Variants in IGF1R observed in about 807,000 individuals in gnomAD.
IGF1R encodes insulin like growth factor 1 receptor, also known as insulin-like growth factor 1 receptor.
IGF1R carries 44 observed loss-of-function variants against 144.6 expected under a neutral mutation model. The observed-to-expected ratio is 0.30, with a 90% CI of 0.24 to 0.39. The LOEUF (loss-of-function observed/expected upper bound fraction) is 0.39, where lower values mean the gene tolerates loss of function less well. Among genes scored for constraint, IGF1R ranks in the 10% least tolerant of loss-of-function variants. IGF1R has a pLI of 1.00. For synonymous variants in IGF1R, 795 were observed against 722.8 expected (o/e 1.10, Z -1.60); for missense variants, 1,355 against 1,833.7 (o/e 0.74, Z 4.77).
intron 1 of IGF1R, among the ~76,000 whole-genome samples, chr15:98,706,825 T>TA (rs1555434003): frequency 1.9e-5 from 2 of 106,104 alleles, no homozygotes; most frequent in Non-Finnish European, 4.4e-5. Context: ...TGATTTTTAC[T>TA]GGTTTTTTTT....
intron 1 of IGF1R, among the ~76,000 whole-genome samples, chr15:98,663,008 T>C (rs1596153227): frequency 2.0e-5 from 3 of 152,000 alleles, no homozygotes; most frequent in East Asian, 1.9e-4. Flanking sequence ...GGAGTCAGGA[T>C]TGGGGGACAG....
intron 1 of IGF1R, among the ~76,000 whole-genome samples, chr15:98,658,066 C>T (rs2052525461): frequency 6.6e-6 from 1 of 152,126 alleles, no homozygotes; most frequent in South Asian, 2.1e-4. Flanking sequence ...GTCCAGGGTC[C>T]TTAGAATCAA....
chr15:98,693,629 G>A (rs1470698933), intron 1 of IGF1R, among the ~76,000 whole-genome samples: 2 of 152,096 alleles, frequency 1.3e-5, no homozygotes, highest in Non-Finnish European at 2.9e-5. Context: ...TTTTTGAGAC[G>A]GAGTTTTGCT....
chr15:98,732,955 G>C (rs981918022), intron 2 of IGF1R, among the ~76,000 whole-genome samples: 1 of 152,176 alleles, frequency 6.6e-6, no homozygotes, highest in Non-Finnish European at 1.5e-5. Flanking sequence ...CCCAAGGGAA[G>C]AGGTTGGTTA....
chr15:98,811,137 C>T (rs1030823656), intron 2 of IGF1R, among the ~76,000 whole-genome samples: 9 of 151,786 alleles, frequency 5.9e-5, no homozygotes, highest in African/African-American at 2.2e-4. Context: ...CCCATCTCTA[C>T]TAAAAATACA....
At chr15:98,908,149 A>C (rs8039666) in intron 5 of IGF1R, among the ~76,000 whole-genome samples, 23,241 of 152,202 alleles carry the variant, frequency 0.15, 1,916 homozygotes, top group African/African-American at 0.2. Context: ...GCTCAGAATG[A>C]AAGATGAATG....
chr15:98,946,430 C>T (rs750883797), intron 19 of IGF1R, among the ~76,000 whole-genome samples: 4 of 152,098 alleles, frequency 2.6e-5, no homozygotes, highest in East Asian at 3.9e-4. Context: ...TCTTGTTAGC[C>T]GGAGTATACA....
chr15:98,895,014 C>T (rs1161305295), intron 3 of IGF1R, among the ~76,000 whole-genome samples: 1 of 130,196 alleles, frequency 7.7e-6, no homozygotes, highest in Non-Finnish European at 1.6e-5. Flanking sequence ...GAGTGAGACC[C>T]TGTCTCAAAA....
chr15:98,803,498 T>TTTTTTTTATTTATTTATTTA (rs139683177), intron 2 of IGF1R, among the ~76,000 whole-genome samples: 2 of 144,610 alleles, frequency 1.4e-5, no homozygotes, highest in Non-Finnish European at 3.0e-5. Context: ...GAATATTACA[T>TTTTTTTTATTTATTTATTTA]TTTATTTATT....
chr15:98,708,981 C>G (rs2053931512), intron 2 of IGF1R, among the ~76,000 whole-genome samples: 1 of 152,162 alleles, frequency 6.6e-6, no homozygotes, highest in Non-Finnish European at 1.5e-5. Flanking sequence ...TGATCAGTTC[C>G]TTAAGAACCA....
chr15:98,843,450 A>G (rs1248988773), intron 2 of IGF1R, among the ~76,000 whole-genome samples: 1 of 152,206 alleles, frequency 6.6e-6, no homozygotes, highest in Non-Finnish European at 1.5e-5. Context: ...TACTTCTCTT[A>G]TTGGTTTGTC....
chr15:98,867,650 C>T (rs898691486), intron 2 of IGF1R, among the ~76,000 whole-genome samples: 9 of 152,290 alleles, frequency 5.9e-5, no homozygotes, highest in Admixed American at 1.3e-4. Flanking sequence ...TTGTGTATGT[C>T]TCTTAGCCCT....
chr15:98,861,389 G>A (rs142020160), intron 2 of IGF1R, among the ~76,000 whole-genome samples: 59 of 152,156 alleles, frequency 3.9e-4, no homozygotes, highest in African/African-American at 1.3e-3. Context: ...ATGCTGACCC[G>A]CGTAGGGAGG....
intron 1 of IGF1R, among the ~76,000 whole-genome samples, chr15:98,669,762 G>C (rs2141193666): frequency 6.6e-6 from 1 of 152,326 alleles, no homozygotes. Context: ...TCAGCCCCGT[G>C]TTCTAGCTTC....
intron 2 of IGF1R, among the ~76,000 whole-genome samples, chr15:98,761,359 C>G (rs1185957345): frequency 1.3e-5 from 2 of 152,192 alleles, no homozygotes; most frequent in African/African-American, 2.4e-5. Flanking sequence ...TGCCTAGCCA[C>G]ACTGAGAAAG....
intron 2 of IGF1R, among the ~76,000 whole-genome samples, chr15:98,784,175 G>T (rs914848479): frequency 1.3e-5 from 2 of 151,870 alleles, no homozygotes; most frequent in African/African-American, 4.8e-5. Context: ...GAGTTTCACC[G>T]TGTTGACCAG....
intron 13 of IGF1R, among the ~76,000 whole-genome samples, chr15:98,927,749 A>C (rs34131760): frequency 0.23 from 35,326 of 152,188 alleles, 4,255 homozygotes; most frequent in East Asian, 0.36. Flanking sequence ...AAATACTTCT[A>C]ATTTTAAAAA....
At chr15:98,702,523 G>T (rs2053760865) in intron 1 of IGF1R, among the ~76,000 whole-genome samples, 1 of 152,042 alleles carries the variant, frequency 6.6e-6, no homozygotes, top group African/African-American at 2.4e-5. Flanking sequence ...GCTAATTTTT[G>T]TATTTTTAGT....
chr15:98,738,947 A>AT (rs1358463654), intron 2 of IGF1R, among the ~76,000 whole-genome samples: 2 of 149,564 alleles, frequency 1.3e-5, no homozygotes, highest in African/African-American at 5.0e-5. Flanking sequence ...AAACTCTAAG[A>AT]TGTATACTCT....
Sources: allele counts gnomAD v4.1 joint callset (sites outside exome capture counted in the v4.1 genomes callset), GRCh38; gene constraint gnomAD v4.1.1; transcripts MANE v1.5; gene names NCBI Gene and HGNC (gene_info 2026-07-23, HGNC 2026-07-21).